Variants in SUMF1 observed in about 807,000 individuals in gnomAD.
SUMF1 encodes sulfatase modifying factor 1, also known as formylglycine-generating enzyme.
Under a neutral mutation model 47.6 loss-of-function variants are expected in SUMF1, and 48 were observed. The observed-to-expected ratio is 1.01, with a 90% CI of 0.80 to 1.28. The LOEUF (loss-of-function observed/expected upper bound fraction) is 1.28. Ranked by LOEUF, SUMF1 falls within the 50% of genes most tolerant of loss-of-function variation. The pLI, the probability that SUMF1 is intolerant of heterozygous loss-of-function variation, is 0.00. For synonymous variants in SUMF1, 230 were observed against 192.1 expected (o/e 1.20, Z -1.63); for missense variants, 571 against 485.4 (o/e 1.18, Z -1.66).
At chr3:4,144,193 C>G (rs1227689545) in intron 8 of SUMF1, among the ~76,000 whole-genome samples, 2 of 151,902 alleles carry the variant, frequency 1.3e-5, no homozygotes, top group Non-Finnish European at 2.9e-5. Flanking sequence ...TCTCAAACTC[C>G]TGGGCTCTAG....
chr3:4,091,646 T>G (rs546433726), intron 8 of SUMF1, among the ~76,000 whole-genome samples: 2 of 152,282 alleles, frequency 1.3e-5, no homozygotes, highest in South Asian at 4.1e-4. Flanking sequence ...AAATTCATTT[T>G]TATTGCAATC....
At chr3:4,138,186 C>G (rs1693989771) in intron 8 of SUMF1, among the ~76,000 whole-genome samples, 1 of 152,016 alleles carries the variant, frequency 6.6e-6, no homozygotes, top group Non-Finnish European at 1.5e-5. Flanking sequence ...CCATGGATTG[C>G]AAGACTTAAT....
intron 8 of SUMF1, among the ~76,000 whole-genome samples, chr3:4,297,165 G>A (rs892111648): frequency 4.6e-5 from 7 of 152,136 alleles, no homozygotes; most frequent in African/African-American, 9.7e-5. Context: ...AACTTGGGCC[G>A]AGGCTTTTTA....
chr3:4,442,156 C>T (rs1214316447), intron 3 of SUMF1, among the ~76,000 whole-genome samples: 3 of 152,136 alleles, frequency 2.0e-5, no homozygotes, highest in African/African-American at 7.2e-5. Flanking sequence ...ACAACAGTAG[C>T]TCACACTGGA....
rs1450718386 is a variant in SUMF1 at position 4,253,732 on chromosome 3, A to G, written c.1014+122598T>C. 4.1e-3 allele frequency among the ~76,000 whole-genome samples: 605 copies of G among 146,556 alleles called. 4 individuals are homozygous for G. The highest frequency in any genetic ancestry group is 0.012 in the African/African-American group (479 of 38,842). On this transcript the variant is annotated intron_variant and NMD_transcript_variant, in intron 8 of 12. Coordinates refer to the SUMF1 transcript ENST00000448413. ...GCTTGATTAGGTAAACAAAGCAGCC[A>G]GGAAGCTCGAATTGGGTGGAACCCA...
At chr3:4,133,510 A>G (rs1330377719) in intron 8 of SUMF1, among the ~76,000 whole-genome samples, 3 of 152,064 alleles carry the variant, frequency 2.0e-5, no homozygotes, top group Non-Finnish European at 2.9e-5. Context: ...AAGGAGATTA[A>G]CATTTGAGTC....
At chr3:4,058,742 A>T (rs927411247) in intron 9 of SUMF1, among the ~76,000 whole-genome samples, 2 of 152,202 alleles carry the variant, frequency 1.3e-5, no homozygotes, top group Non-Finnish European at 2.9e-5. Context: ...TCCTCAAAAG[A>T]CATTCTGGGA....
chr3:4,119,735 C>T (rs1212889537), intron 8 of SUMF1, among the ~76,000 whole-genome samples: 1 of 151,812 alleles, frequency 6.6e-6, no homozygotes, highest in Non-Finnish European at 1.5e-5. Context: ...CACACACACA[C>T]AAACCACCAA....
At chr3:4,101,855 G>C (rs1336257124) in intron 8 of SUMF1, among the ~76,000 whole-genome samples, 1 of 152,110 alleles carries the variant, frequency 6.6e-6, no homozygotes, top group East Asian at 1.9e-4. Context: ...CCTGAGACTG[G>C]GTAATTTATA....
At chr3:4,313,991 T>A in intron 8 of SUMF1, 1 of 751,824 alleles carries the variant, frequency 1.3e-6, no homozygotes. Flanking sequence ...GTGACTGTTC[T>A]AGTTAATAGG....
intron 8 of SUMF1, among the ~76,000 whole-genome samples, chr3:4,156,865 C>A (rs1423662333): frequency 1.3e-5 from 2 of 151,562 alleles, no homozygotes; most frequent in Non-Finnish European, 2.9e-5. Flanking sequence ...TTCTAGTTCC[C>A]AGTTGACTAA....
At chr3:4,155,775 C>G (rs763619921) in intron 8 of SUMF1, among the ~76,000 whole-genome samples, 5 of 151,296 alleles carry the variant, frequency 3.3e-5, no homozygotes, top group African/African-American at 4.9e-5. Flanking sequence ...CCCTGAACCT[C>G]TTCTTCTTGT....
At chr3:4,184,552 T>C (rs984541971) in intron 8 of SUMF1, among the ~76,000 whole-genome samples, 4 of 152,112 alleles carry the variant, frequency 2.6e-5, no homozygotes, top group African/African-American at 9.7e-5. Context: ...TTGAAGGTCA[T>C]TTCAACTTTA....
At chr3:4,204,157 T>C (rs1695600785) in intron 8 of SUMF1, among the ~76,000 whole-genome samples, 1 of 152,104 alleles carries the variant, frequency 6.6e-6, no homozygotes. Context: ...ACATTTCTTC[T>C]TGTAGGACAG....
At chr3:4,392,611 GTGTGTATATATATA>G (rs1486370903) in intron 7 of SUMF1, among the ~76,000 whole-genome samples, 25 of 127,726 alleles carry the variant, frequency 2.0e-4, no homozygotes, top group Non-Finnish European at 3.0e-4. Flanking sequence ...GTGTGTGTGT[GTGTGTATATATATA>G]TATATATATA....
chr3:4,406,597 T>C (rs1298089195), intron 7 of SUMF1, among the ~76,000 whole-genome samples: 1 of 151,964 alleles, frequency 6.6e-6, no homozygotes, highest in Non-Finnish European at 1.5e-5. Context: ...GAGGCGGAGG[T>C]TGCAGTGAGC....
At chr3:4,175,296 C>A (rs567266679) in intron 8 of SUMF1, among the ~76,000 whole-genome samples, 1 of 152,186 alleles carries the variant, frequency 6.6e-6, no homozygotes, top group South Asian at 2.1e-4. Context: ...CGACAGTCAC[C>A]TCATACAGCC....
At chr3:4,275,749 T>G (rs1697401017) in intron 8 of SUMF1, among the ~76,000 whole-genome samples, 1 of 152,168 alleles carries the variant, frequency 6.6e-6, no homozygotes, top group African/African-American at 2.4e-5. Context: ...AAAAAGTTAG[T>G]TGAGTAGGTA....
intron 8 of SUMF1, among the ~76,000 whole-genome samples, chr3:4,224,290 T>C (rs1007443184): frequency 6.6e-6 from 1 of 152,138 alleles, no homozygotes; most frequent in Admixed American, 6.6e-5. Flanking sequence ...CAACTTATCC[T>C]TCAAAGTGTC....
Sources: gnomAD v4.1 joint callset for allele counts (sites outside exome capture counted in the v4.1 genomes callset) on GRCh38, gnomAD v4.1.1 for gene constraint, MANE v1.5 for transcripts, NCBI Gene and HGNC (gene_info 2026-07-23, HGNC 2026-07-21) for gene names.